The following EYS variants were observed in gnomAD, a reference collection of about 807,000 sequenced individuals.
The protein encoded by EYS is protein eyes shut homolog.
EYS carries 250 observed loss-of-function variants against 282.1 expected under a neutral mutation model. That is an observed-to-expected ratio of 0.89 (90% CI 0.80 to 0.98). The LOEUF (loss-of-function observed/expected upper bound fraction) is 0.98, where lower values mean the gene tolerates loss of function less well. Ranked by LOEUF, EYS falls within the 50% of genes least tolerant of loss-of-function variation. The probability of loss-of-function intolerance (pLI) is 0.00; values close to 1 mark genes in which losing one functional copy is unlikely to be tolerated. For missense variants in EYS, 4,016 were observed against 3,709.0 expected (o/e 1.08, Z -2.15); for synonymous variants, 1,355 against 1,282.9 (o/e 1.06, Z -1.20).
chr6:64,064,265 T>C (rs1446036753), intron 33 of EYS, among the ~76,000 whole-genome samples: 3 of 152,130 alleles, frequency 2.0e-5, no homozygotes, highest in Admixed American at 6.6e-5. Context: ...TGAATTCTAG[T>C]AGCTTAGTAT....
chr6:63,910,618 T>C (rs746686683), intron 35 of EYS, among the ~76,000 whole-genome samples: 1 of 152,210 alleles, frequency 6.6e-6, no homozygotes, highest in Non-Finnish European at 1.5e-5. Flanking sequence ...GTGTTACTAA[T>C]TGTACTTACC....
chr6:64,561,030 T>C (rs146251130), intron 26 of EYS, among the ~76,000 whole-genome samples: 2 of 152,258 alleles, frequency 1.3e-5, no homozygotes, highest in East Asian at 3.9e-4. Flanking sequence ...GCAAGGTTGG[T>C]TCAACATACA....
intron 5 of EYS, among the ~76,000 whole-genome samples, chr6:65,454,442 C>T (rs1243820957): frequency 6.6e-6 from 1 of 151,752 alleles, no homozygotes; most frequent in Non-Finnish European, 1.5e-5. Flanking sequence ...TATTTTCTCT[C>T]ATTTGTAGGT....
intron 13 of EYS, among the ~76,000 whole-genome samples, chr6:65,047,032 G>T (rs558765721): frequency 6.6e-6 from 1 of 151,152 alleles, no homozygotes; most frequent in Admixed American, 6.6e-5. Flanking sequence ...GTGATTCTAA[G>T]TTTTCTGAGG....
At chr6:63,863,040 A>C (rs1430638050) in intron 36 of EYS, among the ~76,000 whole-genome samples, 1 of 152,170 alleles carries the variant, frequency 6.6e-6, no homozygotes, top group Non-Finnish European at 1.5e-5. Context: ...CAGCTTTTTC[A>C]TGTCATCACA....
chr6:64,301,475 C>G (rs1769231264), intron 30 of EYS, among the ~76,000 whole-genome samples: 1 of 152,158 alleles, frequency 6.6e-6, no homozygotes, highest in South Asian at 2.1e-4. Context: ...CAGATGGCCC[C>G]AGTACTATGC....
At chr6:64,696,520 T>C (rs1389748405) in intron 22 of EYS, among the ~76,000 whole-genome samples, 1 of 152,068 alleles carries the variant, frequency 6.6e-6, no homozygotes, top group Non-Finnish European at 1.5e-5. Flanking sequence ...GCAAAGTATA[T>C]TGCAAGAAGG....
chr6:65,140,533 C>T (rs1764301910), intron 12 of EYS, among the ~76,000 whole-genome samples: 1 of 151,656 alleles, frequency 6.6e-6, no homozygotes, highest in Non-Finnish European at 1.5e-5. Flanking sequence ...GCAAAAGAAA[C>T]TACCATCAGA....
chr6:64,192,156 G>A (rs930679904), intron 31 of EYS, among the ~76,000 whole-genome samples: 8 of 145,690 alleles, frequency 5.5e-5, no homozygotes, highest in Admixed American at 1.4e-4. Flanking sequence ...CATGTCCTTC[G>A]CCCACTTTTT....
intron 1 of EYS, 126 bp downstream of exon 1, chr6:65,707,009 T>C (rs1293025167): frequency 6.6e-6 from 1 of 152,136 alleles, no homozygotes; most frequent in African/African-American, 2.4e-5. Context: ...ATATAATAAG[T>C]AAAAATAACT....
At chr6:64,451,482 A>G (rs1452752337) in intron 26 of EYS, among the ~76,000 whole-genome samples, 1 of 152,170 alleles carries the variant, frequency 6.6e-6, no homozygotes, top group Non-Finnish European at 1.5e-5. Context: ...CAATAGAAAA[A>G]GAGGGAATCC....
rs72886371 is a variant in EYS, at chr6:63,788,041, A to T, written c.7723+64T>A. The T allele has an allele frequency of 0.098, 124,957 of 1,278,100 alleles. 7,012 individuals are homozygous for T. The highest frequency in any genetic ancestry group is 0.11 in the Non-Finnish European group (103,197 of 937,254). 79.2% of individuals were successfully genotyped at this position (1,278,100 alleles called of 1,614,324 possible). On this transcript the variant is annotated intron_variant, in intron 39 of 42. Coordinates refer to ENST00000503581, the MANE Select transcript of EYS (RefSeq NM_001142800.2). ...TTGGGAAATAGAAGTATACTCTTTA[A>T]AATATTTTTTTCCCTCAACATTTGA...
intron 2 of EYS, among the ~76,000 whole-genome samples, chr6:65,579,025 A>C (rs755285828): frequency 6.6e-6 from 1 of 152,138 alleles, no homozygotes; most frequent in Non-Finnish European, 1.5e-5. Context: ...CACAAAAGAA[A>C]ACACATTTTG....
intron 26 of EYS, among the ~76,000 whole-genome samples, chr6:64,527,031 C>T (rs571981002): frequency 6.6e-6 from 1 of 151,764 alleles, no homozygotes; most frequent in South Asian, 2.1e-4. Context: ...TTTAGTAATC[C>T]TTTGAGTAAA....
intron 35 of EYS, among the ~76,000 whole-genome samples, chr6:63,925,346 T>C (rs551303915): frequency 1.3e-5 from 2 of 152,328 alleles, no homozygotes; most frequent in South Asian, 4.1e-4. Context: ...AAGGAAGTAC[T>C]ACAGAAAATG....
chr6:65,079,922 CAG>C (rs1774180832), intron 12 of EYS, among the ~76,000 whole-genome samples: 1 of 151,942 alleles, frequency 6.6e-6, no homozygotes, highest in Non-Finnish European at 1.5e-5. Flanking sequence ...GGGATAATAA[CAG>C]AGAGAAAAAT....
intron 13 of EYS, among the ~76,000 whole-genome samples, chr6:65,048,361 A>G (rs924752598): frequency 3.3e-5 from 5 of 151,834 alleles, no homozygotes; most frequent in Admixed American, 6.6e-5. Flanking sequence ...AGTTCTCTGG[A>G]CCATTTTCAC....
chr6:63,977,020 T>A (rs1399587146), intron 35 of EYS, among the ~76,000 whole-genome samples: 3 of 151,888 alleles, frequency 2.0e-5, no homozygotes, highest in Non-Finnish European at 4.4e-5. Flanking sequence ...TTTTGTTTTT[T>A]TTCAGGAGAC....
Position 63,720,845 on chromosome 6 carries a change from GTTAT to G in EYS, c.9182_9185del (p.Asn3061ThrfsTer3), listed in dbSNP as rs1768352761. The G allele has an allele frequency of 1.3e-6, 2 of 1,551,084 alleles. No individual in the cohort carries two copies. The highest frequency in any genetic ancestry group is 1.7e-6 in the Non-Finnish European group (2 of 1,146,588). On this transcript the variant is annotated frameshift_variant, in exon 43 of 43. Coordinates refer to ENST00000503581, the MANE Select transcript of EYS (RefSeq NM_001142800.2). LOFTEE classifies it high-confidence loss of function. ...CAATATCCTCGGAAAGAATTAGACT[GTTAT>G]TTATGTAGGCCTTGATAAGAGTCTG... is the stretch of plus-strand genomic sequence containing the variant.
Sources: allele counts gnomAD v4.1 joint callset (sites outside exome capture counted in the v4.1 genomes callset), GRCh38; gene constraint gnomAD v4.1.1; transcripts MANE v1.5; gene names NCBI Gene and HGNC (gene_info 2026-07-23, HGNC 2026-07-21).